AGBL4: variants seen among roughly 807,000 people sequenced by gnomAD.
The protein encoded by AGBL4 is AGBL carboxypeptidase 4.
A neutral mutation model predicts 66.4 loss-of-function variants in AGBL4; 58 were observed. The observed-to-expected ratio is 0.87, with a 90% CI of 0.71 to 1.09. The LOEUF is 1.09. Among genes scored for constraint, AGBL4 ranks in the 50% least tolerant of loss-of-function variants. The pLI is 0.00. For synonymous variants in AGBL4, 234 were observed against 222.9 expected (o/e 1.05, Z -0.44); for missense variants, 579 against 631.0 (o/e 0.92, Z 0.88).
rs912224908 is a variant in AGBL4 at position 48,533,565 on chromosome 1, A to C, written c.*608T>G. On this transcript the variant is annotated 3_prime_UTR_variant, in exon 14 of 14. Transcript: ENST00000371839. Reference sequence around the variant, plus strand: ...CCGAGGAAATTGGGAAACAGCTCTCAAAACAGTTTTCTAAATCTGCATGCT... The same window carrying C: ...CCGAGGAAATTGGGAAACAGCTCTCCAAACAGTTTTCTAAATCTGCATGCT... 1.3e-5 allele frequency: 2 copies of C among 152,624 alleles called. No homozygotes were observed. The highest frequency in any genetic ancestry group is 6.5e-5 in the Admixed American group (1 of 15,300). 9.5% of individuals were successfully genotyped at this position (152,624 alleles called of 1,614,324 possible).
intron 1 of AGBL4, among the ~76,000 whole-genome samples, chr1:49,956,528 G>T (rs921518453): frequency 7.9e-5 from 12 of 151,814 alleles, no homozygotes; most frequent in African/African-American, 2.9e-4. Context: ...TTACCCTTAA[G>T]AAATTTACAA....
At chr1:49,950,680 C>G (rs116416551) in intron 1 of AGBL4, among the ~76,000 whole-genome samples, 1 of 151,456 alleles carries the variant, frequency 6.6e-6, no homozygotes, top group Non-Finnish European at 1.5e-5. Context: ...ATGGACTTTC[C>G]TCAAAACATT....
At position 49,263,035 on chromosome 1, in the gene AGBL4, C is replaced by T. The variant is rs181635908; in HGVS notation, c.283-17171G>A. Among the ~76,000 whole-genome samples, 1,177 of 152,180 alleles carry T rather than the reference C, an allele frequency of 7.7e-3. 4 individuals are homozygous for T. Among genetic ancestry groups the T allele is most frequent in the Non-Finnish European group, 0.012 (820 of 68,016 alleles). On this transcript the variant is annotated intron_variant, in intron 3 of 13. Transcript: ENST00000371839. ...ATGGATGAAACTAGAAATCATCATT[C>T]TCAGTAAACTATCGCAAGGACAAAA... is the stretch of plus-strand genomic sequence containing the variant.
rs142837422 is a variant in AGBL4, at chr1:48,647,204, T to C, written c.839+6133A>G. ...CCATGGGGTCTGCAGTTCCGTGCTATAACGCAGAATCATTTCTGTACCACC... is the reference window on the plus strand; with the variant it reads ...CCATGGGGTCTGCAGTTCCGTGCTACAACGCAGAATCATTTCTGTACCACC... On this transcript the variant is annotated intron_variant, in intron 8 of 13. Transcript: ENST00000371839. Among the ~76,000 whole-genome samples the C allele has an allele frequency of 7.8e-3, 1,193 of 152,340 alleles. 11 individuals are homozygous for C. The highest frequency in any genetic ancestry group is 0.01 in the Admixed American group (157 of 15,306).
At chr1:49,211,220 T>A (rs1648643591) in intron 4 of AGBL4, among the ~76,000 whole-genome samples, 1 of 152,142 alleles carries the variant, frequency 6.6e-6, no homozygotes, top group Non-Finnish European at 1.5e-5. Context: ...GTCTCTCTTA[T>A]TTTTCATTTA....
chr1:48,542,406 G>A (rs185722427), intron 11 of AGBL4, among the ~76,000 whole-genome samples: 14 of 152,312 alleles, frequency 9.2e-5, no homozygotes, highest in African/African-American at 2.9e-4. Context: ...AGGTCCTTGA[G>A]GAATTGCCAC....
chr1:49,698,164 G>C (rs901387599), intron 2 of AGBL4, among the ~76,000 whole-genome samples: 14 of 152,114 alleles, frequency 9.2e-5, no homozygotes, highest in African/African-American at 3.4e-4. Flanking sequence ...CAATGGTACT[G>C]AATTTGGAGT....
intron 4 of AGBL4, among the ~76,000 whole-genome samples, chr1:49,107,862 C>T (rs1026534490): frequency 5.9e-5 from 9 of 152,080 alleles, no homozygotes; most frequent in African/African-American, 2.2e-4. Flanking sequence ...CAATAATATT[C>T]AGAATACAAA....
At chr1:50,004,446 G>A (rs1376437675) in intron 1 of AGBL4, among the ~76,000 whole-genome samples, 1 of 152,104 alleles carries the variant, frequency 6.6e-6, no homozygotes, top group Non-Finnish European at 1.5e-5. Context: ...GATAGCCAAG[G>A]GAATGCTTGT....
intron 6 of AGBL4, among the ~76,000 whole-genome samples, chr1:48,698,938 G>A (rs1040622966): frequency 3.3e-5 from 5 of 152,172 alleles, no homozygotes; most frequent in African/African-American, 4.8e-5. Context: ...CTTAGAAGCT[G>A]GAATCACCTC....
chr1:48,862,611 G>A (rs369044084), intron 6 of AGBL4, among the ~76,000 whole-genome samples: 2 of 152,174 alleles, frequency 1.3e-5, no homozygotes, highest in African/African-American at 4.8e-5. Flanking sequence ...GTGAGCCACT[G>A]TGCCCAGACT....
chr1:48,837,710 A>AATATATATATATAT (rs1558030113), intron 6 of AGBL4, among the ~76,000 whole-genome samples: 1 of 53,774 alleles, frequency 1.9e-5, no homozygotes, highest in East Asian at 2.3e-3. Flanking sequence ...ACACACACAC[A>AATATATATATATAT]CTATATATAT....
At chr1:48,988,325 G>C (rs1406839565) in intron 5 of AGBL4, among the ~76,000 whole-genome samples, 1 of 152,064 alleles carries the variant, frequency 6.6e-6, no homozygotes, top group Non-Finnish European at 1.5e-5. Context: ...AATAGGGGGG[G>C]CTTCTAATGA....
intron 8 of AGBL4, among the ~76,000 whole-genome samples, chr1:48,641,618 G>A (rs564836275): frequency 6.6e-6 from 1 of 152,216 alleles, no homozygotes; most frequent in African/African-American, 2.4e-5. Context: ...GTGCTGAGAG[G>A]GCAGTGACTG....
At chr1:49,096,536 G>T (rs1645106911) in intron 4 of AGBL4, among the ~76,000 whole-genome samples, 1 of 151,866 alleles carries the variant, frequency 6.6e-6, no homozygotes, top group Non-Finnish European at 1.5e-5. Flanking sequence ...CATGTCCTTT[G>T]TAGGGACATG....
chr1:49,775,309 T>A (rs1481810655), intron 2 of AGBL4, among the ~76,000 whole-genome samples: 1 of 152,182 alleles, frequency 6.6e-6, no homozygotes, highest in Admixed American at 6.5e-5. Context: ...TTGCTGTGTA[T>A]ATTAAATAAA....
At chr1:49,801,081 G>A (rs2147948451) in intron 2 of AGBL4, among the ~76,000 whole-genome samples, 1 of 152,176 alleles carries the variant, frequency 6.6e-6, no homozygotes, top group South Asian at 2.1e-4. Context: ...CATTTATGCA[G>A]CCAAAAAACA....
intron 5 of AGBL4, among the ~76,000 whole-genome samples, chr1:48,888,208 A>G (rs1463657772): frequency 2.0e-5 from 3 of 152,174 alleles, no homozygotes; most frequent in Non-Finnish European, 2.9e-5. Context: ...CAATTCCAAA[A>G]TGATTAAAAG....
At chr1:49,063,006 G>A (rs576607315) in intron 4 of AGBL4, among the ~76,000 whole-genome samples, 3 of 152,084 alleles carry the variant, frequency 2.0e-5, no homozygotes, top group South Asian at 2.1e-4. Context: ...GGGTTATTAT[G>A]TTAATTAAAA....
Sources: gnomAD v4.1 joint callset for allele counts (sites outside exome capture counted in the v4.1 genomes callset) on GRCh38, gnomAD v4.1.1 for gene constraint, MANE v1.5 for transcripts, NCBI Gene and HGNC (gene_info 2026-07-23, HGNC 2026-07-21) for gene names.